The following SUGCT variants were observed in gnomAD, a reference collection of about 807,000 sequenced individuals.
SUGCT encodes the protein succinyl-CoA:glutarate-CoA transferase.
In SUGCT, 41 loss-of-function variants were observed where a neutral mutation model predicts 55.0. The ratio of observed to expected loss-of-function variants is 0.74; its 90% CI spans 0.58 to 0.97. The LOEUF (loss-of-function observed/expected upper bound fraction) is 0.97, where lower values mean the gene tolerates loss of function less well. Ranked by LOEUF, SUGCT falls within the 50% of genes least tolerant of loss-of-function variation. SUGCT has a pLI of 0.00. For missense variants in SUGCT, 568 were observed against 547.8 expected, an observed-to-expected ratio of 1.04 and a Z score of -0.37; for synonymous variants, 187 against 200.4, an observed-to-expected ratio of 0.93 and a Z score of 0.56.
chr7:40,824,572 G>A (rs1390016019), intron 13 of SUGCT, among the ~76,000 whole-genome samples: 2 of 152,156 alleles, frequency 1.3e-5, no homozygotes, highest in Non-Finnish European at 2.9e-5. Flanking sequence ...TACAACAACC[G>A]CTAAATCTCA....
intron 8 of SUGCT, among the ~76,000 whole-genome samples, chr7:40,311,604 C>T (rs73133600): frequency 0.017 from 2,578 of 152,206 alleles, 38 homozygotes; most frequent in South Asian, 0.043. Flanking sequence ...ATGCCAACCC[C>T]TTTCCTGCCT....
At chr7:40,866,719 C>A in the SUGCT span, among the ~76,000 whole-genome samples, 1 of 152,024 alleles carries the variant, frequency 6.6e-6, no homozygotes, top group Middle Eastern at 3.4e-3. Flanking sequence ...AACGTTTTGT[C>A]TCATTCTCTA....
At chr7:40,578,942 C>G (rs1027065109) in intron 12 of SUGCT, among the ~76,000 whole-genome samples, 2 of 152,182 alleles carry the variant, frequency 1.3e-5, no homozygotes, top group Non-Finnish European at 2.9e-5. Flanking sequence ...CACAGTATTA[C>G]CAGTTCTCAG....
chr7:40,691,190 T>C (rs1261053583), intron 12 of SUGCT, among the ~76,000 whole-genome samples: 2 of 152,202 alleles, frequency 1.3e-5, no homozygotes, highest in African/African-American at 4.8e-5. Context: ...GGCCCTCTAC[T>C]TGAAGATGCA....
chr7:40,394,101 C>A (rs758567960), intron 9 of SUGCT, among the ~76,000 whole-genome samples: 1 of 152,048 alleles, frequency 6.6e-6, no homozygotes, highest in Non-Finnish European at 1.5e-5. Context: ...TGCTGAGACA[C>A]GGGCAGGATG....
At chr7:40,267,973 A>G (rs909176550) in intron 7 of SUGCT, among the ~76,000 whole-genome samples, 6 of 152,196 alleles carry the variant, frequency 3.9e-5, no homozygotes, top group Admixed American at 3.3e-4. Context: ...GCCTTGAATG[A>G]AAGAAAACTT....
At chr7:40,931,761 T>C in the SUGCT span, among the ~76,000 whole-genome samples, 2 of 152,226 alleles carry the variant, frequency 1.3e-5, no homozygotes, top group Non-Finnish European at 2.9e-5. Flanking sequence ...GTGGGATCAG[T>C]GGTGATATCT....
the SUGCT span, among the ~76,000 whole-genome samples, chr7:40,994,121 T>C: frequency 3.2e-4 from 49 of 152,282 alleles, no homozygotes; most frequent in African/African-American, 1.2e-3. Flanking sequence ...CTGTGCATTA[T>C]GATGTCTCAG....
rs139690753 is a variant in SUGCT at position 40,647,608 on chromosome 7, T to C, written c.1090-101826T>C. On this transcript the variant is annotated intron_variant, in intron 12 of 13. Coordinates refer to ENST00000335693, the MANE Select transcript of SUGCT (RefSeq NM_001193313.2). ...GCTCACGCATGTACTCCCAGCAGTTTGGGAGGCCAAGGTGGGTGGATCACC... is the reference window on the plus strand; with the variant it reads ...GCTCACGCATGTACTCCCAGCAGTTCGGGAGGCCAAGGTGGGTGGATCACC... 3.5e-3 allele frequency among the ~76,000 whole-genome samples: 534 copies of C among 152,188 alleles called. 9 individuals carry two copies. Among genetic ancestry groups the C allele is most frequent in the East Asian group, 0.031 (160 of 5,168 alleles).
At chr7:40,623,735 TACAC>T (rs775323095) in intron 12 of SUGCT, among the ~76,000 whole-genome samples, 4 of 151,734 alleles carry the variant, frequency 2.6e-5, no homozygotes, top group Admixed American at 6.6e-5. Flanking sequence ...TACACACACA[TACAC>T]ACACACACAT....
chr7:40,952,723 G>A, the SUGCT span, among the ~76,000 whole-genome samples: 1 of 152,136 alleles, frequency 6.6e-6, no homozygotes, highest in Non-Finnish European at 1.5e-5. Context: ...AGCTTAGTTT[G>A]GCTGGATATG....
intron 13 of SUGCT, among the ~76,000 whole-genome samples, chr7:40,780,618 C>G (rs1239897675): frequency 1.3e-5 from 2 of 152,146 alleles, no homozygotes; most frequent in Non-Finnish European, 2.9e-5. Flanking sequence ...CCTTTGCTGA[C>G]AGTACCCTCA....
chr7:40,968,923 G>T, the SUGCT span, among the ~76,000 whole-genome samples: 2 of 152,140 alleles, frequency 1.3e-5, no homozygotes, highest in African/African-American at 4.8e-5. Flanking sequence ...GCATCCAGAA[G>T]GCCTGCCTGT....
chr7:40,325,193 G>A (rs148652617), intron 9 of SUGCT, among the ~76,000 whole-genome samples: 7 of 151,374 alleles, frequency 4.6e-5, no homozygotes, highest in African/African-American at 1.7e-4. Flanking sequence ...GGTAACATTG[G>A]GAATCTTTTT....
At chr7:40,902,933 G>A in the SUGCT span, among the ~76,000 whole-genome samples, 1 of 152,074 alleles carries the variant, frequency 6.6e-6, no homozygotes, top group African/African-American at 2.4e-5. Flanking sequence ...ATCCTCTCCT[G>A]TTACAGAGGA....
intron 12 of SUGCT, among the ~76,000 whole-genome samples, chr7:40,497,388 T>C (rs1284397100): frequency 1.3e-5 from 2 of 152,230 alleles, no homozygotes; most frequent in Non-Finnish European, 2.9e-5. Context: ...CTACATTTAC[T>C]GGAGAAAAAA....
At chr7:40,194,638 C>T (rs1385088187) in intron 5 of SUGCT, among the ~76,000 whole-genome samples, 2 of 152,130 alleles carry the variant, frequency 1.3e-5, no homozygotes, top group African/African-American at 2.4e-5. Context: ...AATTTTTCTA[C>T]CTAATCTTTT....
At chr7:40,155,249 C>T (rs1783828354) in intron 1 of SUGCT, among the ~76,000 whole-genome samples, 1 of 150,466 alleles carries the variant, frequency 6.6e-6, no homozygotes, top group African/African-American at 2.5e-5. Context: ...TGCGCCACTG[C>T]ACTCCAGCCT....
chr7:40,580,265 T>C (rs1009912366), intron 12 of SUGCT, among the ~76,000 whole-genome samples: 3 of 152,190 alleles, frequency 2.0e-5, no homozygotes, highest in African/African-American at 7.2e-5. Context: ...CATACATTTA[T>C]CTATCTCTTG....
Sources: gnomAD v4.1 joint callset for allele counts (sites outside exome capture counted in the v4.1 genomes callset) on GRCh38, gnomAD v4.1.1 for gene constraint, MANE v1.5 for transcripts, NCBI Gene and HGNC (gene_info 2026-07-23, HGNC 2026-07-21) for gene names.